Variants in TIMD4 observed in about 807,000 individuals in gnomAD.
TIMD4 encodes T cell immunoglobulin and mucin domain containing 4, also known as T-cell immunoglobulin and mucin domain-containing protein 4.
Under a neutral mutation model 41.2 loss-of-function variants are expected in TIMD4, and 31 were observed. That is an observed-to-expected ratio of 0.75 (90% confidence interval 0.57 to 1.01). The LOEUF (loss-of-function observed/expected upper bound fraction) is 1.01. TIMD4 is among the 50% of genes least tolerant of loss of function. TIMD4 has a pLI of 0.00. For synonymous variants in TIMD4, 204 were observed against 177.1 expected (o/e 1.15, Z -1.21); for missense variants, 479 against 472.5 (o/e 1.01, Z -0.13).
At chr5:156,960,274 C>G (rs1471583506) in intron 1 of TIMD4, among the ~76,000 whole-genome samples, 1 of 151,716 alleles carries the variant, frequency 6.6e-6, no homozygotes. Flanking sequence ...AAGACAAAGA[C>G]AGTAAAAAAA....
At chr5:156,955,209 G>A (rs1454371496) in intron 1 of TIMD4, among the ~76,000 whole-genome samples, 1 of 152,162 alleles carries the variant, frequency 6.6e-6, no homozygotes, top group African/African-American at 2.4e-5. Flanking sequence ...ACCGTGGCAA[G>A]ACCTTTTTGC....
At chr5:156,923,882 C>G (rs985810555) in intron 6 of TIMD4, among the ~76,000 whole-genome samples, 4 of 151,766 alleles carry the variant, frequency 2.6e-5, no homozygotes, top group African/African-American at 9.7e-5. Flanking sequence ...CTGTTGCCTA[C>G]GTTGTAGTGC....
intron 2 of TIMD4, among the ~76,000 whole-genome samples, chr5:156,953,696 A>G (rs1360572042): frequency 6.6e-6 from 1 of 150,586 alleles, no homozygotes; most frequent in Non-Finnish European, 1.5e-5. Context: ...GAGAATATAG[A>G]TGTCTAGATT....
chr5:156,926,270 GT>G lies in TIMD4; in HGVS notation c.886del (p.Thr296GlnfsTer11). Reference sequence around the variant, plus strand: ...ACTTCACAGATTTTTTACCTGTCCTGTTTTTGTTGTTTTGTTCTGCTCAGGA... The same window carrying G: ...ACTTCACAGATTTTTTACCTGTCCTGTTTTGTTGTTTTGTTCTGCTCAGGA... Reference protein sequence around the residue: ...AVPEQNKTTKTGQMDGIPMSM... With the variant: ...AVPEQNKTTKXGQMDGIPMSM... On this transcript the variant is annotated frameshift_variant, in exon 6 of 9. Transcript: ENST00000274532. LOFTEE classifies it high-confidence loss of function. 6.2e-7 allele frequency: 1 copy of G among 1,613,322 alleles called. No homozygotes were observed. The highest frequency in any genetic ancestry group is 1.3e-5 in the African/African-American group (1 of 75,020).
chr5:156,958,347 AGG>A (rs1350693649), intron 1 of TIMD4, among the ~76,000 whole-genome samples: 4 of 143,668 alleles, frequency 2.8e-5, no homozygotes, highest in Non-Finnish European at 4.5e-5. Flanking sequence ...AGGAAAGGAA[AGG>A]AAAGGAAAGG....
chr5:156,920,358 G>T (rs1759213035), intron 8 of TIMD4, 106 bp downstream of exon 8: 2 of 1,236,580 alleles, frequency 1.6e-6, no homozygotes, highest in Non-Finnish European at 1.2e-6. Flanking sequence ...CCAACTCTAT[G>T]TGTAATCGTA....
chr5:156,934,006 C>T (rs1477528875), intron 5 of TIMD4, among the ~76,000 whole-genome samples: 2 of 152,224 alleles, frequency 1.3e-5, no homozygotes. Context: ...CATGGCTATG[C>T]TTACCGTGGT....
intron 5 of TIMD4, among the ~76,000 whole-genome samples, chr5:156,940,225 C>T (rs530027471): frequency 2.0e-4 from 30 of 152,220 alleles, no homozygotes; most frequent in Non-Finnish European, 1.3e-4. Flanking sequence ...CCCGAGGTGC[C>T]GGGATTGCAG....
intron 5 of TIMD4, among the ~76,000 whole-genome samples, chr5:156,929,774 C>G (rs1759414444): frequency 6.6e-6 from 1 of 151,992 alleles, no homozygotes; most frequent in African/African-American, 2.4e-5. Flanking sequence ...GTTACAGCAG[C>G]CCCAGGAAAT....
At chr5:156,940,251 C>T (rs1759617647) in intron 5 of TIMD4, among the ~76,000 whole-genome samples, 1 of 152,264 alleles carries the variant, frequency 6.6e-6, no homozygotes, top group Non-Finnish European at 1.5e-5. Context: ...GTCTCACTTA[C>T]ACAGTGCTCA....
At chr5:156,921,616 CAAAAAAAAAAAAAAAAAA>C (rs66842169) in intron 7 of TIMD4, among the ~76,000 whole-genome samples, 1 of 47,254 alleles carries the variant, frequency 2.1e-5, no homozygotes, top group Non-Finnish European at 4.0e-5. Context: ...GAGACTCTCT[CAAAAAAAAAAAAAAAAAA>C]AAAAAAAAAA....
At chr5:156,934,578 T>C (rs553745823) in intron 5 of TIMD4, among the ~76,000 whole-genome samples, 1 of 152,228 alleles carries the variant, frequency 6.6e-6, no homozygotes, top group Admixed American at 6.5e-5. Context: ...AAGTGTGAGC[T>C]ACCATGCCTG....
chr5:156,919,963 T>C (rs545263728), intron 8 of TIMD4, among the ~76,000 whole-genome samples: 4 of 152,344 alleles, frequency 2.6e-5, no homozygotes, highest in African/African-American at 7.2e-5. Flanking sequence ...CCAAAAGCTA[T>C]AGAATAGGGC....
chr5:156,930,309 A>G (rs146834761), intron 5 of TIMD4, among the ~76,000 whole-genome samples: 1 of 152,328 alleles, frequency 6.6e-6, no homozygotes, highest in East Asian at 1.9e-4. Flanking sequence ...GACAGACATT[A>G]TGCCATATTG....
chr5:156,922,205 T>G lies in TIMD4; in HGVS notation c.906A>C (p.Ile302=), dbSNP rs1676098975. 1 of 1,613,434 alleles carries G rather than the reference T, an allele frequency of 6.2e-7. No homozygotes were observed. The highest frequency in any genetic ancestry group is 1.3e-5 in the African/African-American group (1 of 74,908). Residue 302 remains isoleucine, a synonymous_variant, in exon 7 of 9, where the codon ATA becomes ATC. Transcript: ENST00000274532. ...GCATTTCATTCTTCATTGACATGGG[T>G]ATTCCATCCATCTGATGGGACACAG... ...KTTKTGQMDG[I]PMSMKNEMPI... is the part of the protein sequence containing the mutation.
chr5:156,934,825 AAAG>A (rs1396409944), intron 5 of TIMD4, among the ~76,000 whole-genome samples: 3 of 152,216 alleles, frequency 2.0e-5, no homozygotes, highest in African/African-American at 7.2e-5. Flanking sequence ...AATCAACGGA[AAAG>A]AAGAGCACTC....
chr5:156,920,562 T>A, intron 7 of TIMD4, 59 bp from the exon 8 acceptor site: 2 of 1,571,952 alleles, frequency 1.3e-6, no homozygotes, highest in Non-Finnish European at 1.8e-6. Context: ...ACATGCAAAA[T>A]GCTGGGGGAA....
At chr5:156,933,830 G>A (rs912045292) in intron 5 of TIMD4, among the ~76,000 whole-genome samples, 2 of 152,134 alleles carry the variant, frequency 1.3e-5, no homozygotes, top group African/African-American at 2.4e-5. Context: ...AAAGTGGTGG[G>A]ATTATAGGTG....
intron 5 of TIMD4, among the ~76,000 whole-genome samples, chr5:156,939,577 T>A (rs200312377): frequency 6.6e-6 from 1 of 152,196 alleles, no homozygotes; most frequent in Non-Finnish European, 1.5e-5. Flanking sequence ...ACCCACACTT[T>A]CAACTGCCTG....
Sources: gnomAD v4.1 joint callset for allele counts (sites outside exome capture counted in the v4.1 genomes callset) on GRCh38, gnomAD v4.1.1 for gene constraint, MANE v1.5 for transcripts, NCBI Gene and HGNC (gene_info 2026-07-23, HGNC 2026-07-21) for gene names.